The following MAF variants were observed in gnomAD, a reference collection of about 807,000 sequenced individuals.
MAF encodes the protein MAF bZIP transcription factor.
A neutral mutation model predicts 22.0 loss-of-function variants in MAF; 10 were observed. The ratio of observed to expected loss-of-function variants is 0.45; its 90% CI spans 0.28 to 0.77. The LOEUF is 0.77. Ranked by LOEUF, MAF falls within the 30% of genes least tolerant of loss-of-function variation. The pLI is 0.12. For missense variants in MAF, 544 were observed against 548.4 expected (o/e 0.99, Z 0.08); for synonymous variants, 337 against 255.8 (o/e 1.32, Z -3.03).
chr16:79,400,219 G>A, the MAF span, among the ~76,000 whole-genome samples: 1 of 152,184 alleles, frequency 6.6e-6, no homozygotes, highest in African/African-American at 2.4e-5. Context: ...CAAAATATCA[G>A]GAGTGCCACA....
At chr16:79,235,769 T>C in the MAF span, among the ~76,000 whole-genome samples, 2 of 152,026 alleles carry the variant, frequency 1.3e-5, no homozygotes, top group Admixed American at 6.6e-5. Flanking sequence ...TTAAAAATAA[T>C]GGTGAAAAAT....
intron 1 of MAF, chr16:79,598,353 T>C: frequency 9.0e-7 from 1 of 1,108,098 alleles, no homozygotes; most frequent in Non-Finnish European, 1.1e-6. Flanking sequence ...GAAGAAAAAA[T>C]ATGTGAATGA....
chr16:79,258,175 G>A, the MAF span, among the ~76,000 whole-genome samples: 3 of 152,268 alleles, frequency 2.0e-5, no homozygotes, highest in Non-Finnish European at 4.4e-5. Flanking sequence ...GGAGTGAGAC[G>A]CCTCTGGGGT....
At chr16:79,587,334 G>A (rs947050944) in intron 1 of MAF, among the ~76,000 whole-genome samples, 5 of 151,986 alleles carry the variant, frequency 3.3e-5, no homozygotes, top group African/African-American at 1.2e-4. Context: ...ACAGACTGAA[G>A]TGATAAAACC....
chr16:79,297,442 G>A, the MAF span, among the ~76,000 whole-genome samples: 2 of 152,142 alleles, frequency 1.3e-5, no homozygotes, highest in African/African-American at 2.4e-5. Flanking sequence ...CTTGGAGGGT[G>A]GCACCATTTT....
At chr16:79,587,893 T>G (rs1322710976) in intron 1 of MAF, among the ~76,000 whole-genome samples, 1 of 150,804 alleles carries the variant, frequency 6.6e-6, no homozygotes, top group Non-Finnish European at 1.5e-5. Flanking sequence ...AGATACTATT[T>G]GCACACCTGA....
the MAF span, among the ~76,000 whole-genome samples, chr16:79,451,382 C>T: frequency 6.6e-6 from 1 of 152,270 alleles, no homozygotes; most frequent in Non-Finnish European, 1.5e-5. Context: ...CAAAGGGACC[C>T]AAGACCACAA....
At chr16:79,503,944 T>A in the MAF span, among the ~76,000 whole-genome samples, 2 of 152,236 alleles carry the variant, frequency 1.3e-5, no homozygotes, top group Admixed American at 6.5e-5. Context: ...TAAATAAAAC[T>A]ATTAAATCCA....
the MAF span, among the ~76,000 whole-genome samples, chr16:79,473,664 G>A: frequency 2.0e-5 from 3 of 152,144 alleles, no homozygotes; most frequent in African/African-American, 7.2e-5. Flanking sequence ...GGGTGAGCAT[G>A]TCTTTATGAC....
chr16:79,263,957 T>G, the MAF span, among the ~76,000 whole-genome samples: 1 of 152,194 alleles, frequency 6.6e-6, no homozygotes. Context: ...ATGTTTGTTT[T>G]AGCCTAGAAG....
At chr16:79,438,328 G>T in the MAF span, among the ~76,000 whole-genome samples, 1 of 152,192 alleles carries the variant, frequency 6.6e-6, no homozygotes, top group Non-Finnish European at 1.5e-5. Flanking sequence ...TGGAGGTAGA[G>T]CAGTTAATAC....
the MAF span, among the ~76,000 whole-genome samples, chr16:79,507,166 T>C: frequency 1.3e-5 from 2 of 149,172 alleles, no homozygotes; most frequent in South Asian, 2.1e-4. Flanking sequence ...CAGGCTGGAG[T>C]GCAGGGGCGT....
chr16:79,413,210 G>GTTGTTTTTT, the MAF span, among the ~76,000 whole-genome samples: 26 of 63,642 alleles, frequency 4.1e-4, 1 homozygote, highest in Non-Finnish European at 5.4e-4. Flanking sequence ...GAGCTGTGCA[G>GTTGTTTTTT]TTTTTTTTTT....
At chr16:79,421,376 A>ATCCC in the MAF span, among the ~76,000 whole-genome samples, 1 of 152,054 alleles carries the variant, frequency 6.6e-6, no homozygotes, top group Non-Finnish European at 1.5e-5. Flanking sequence ...CTGCCCATTC[A>ATCCC]TCCCTCCCTC....
At chr16:79,448,041 C>T in the MAF span, among the ~76,000 whole-genome samples, 1,371 of 152,210 alleles carry the variant, frequency 9.0e-3, 18 homozygotes, top group Middle Eastern at 0.031. Context: ...ATGGAATCAA[C>T]TCCTGATGCT....
chr16:79,392,578 C>T, the MAF span, among the ~76,000 whole-genome samples: 9 of 151,984 alleles, frequency 5.9e-5, no homozygotes, highest in Non-Finnish European at 1.3e-4. Context: ...TAATAGGCCA[C>T]GGCTTTCCTA....
At chr16:79,524,075 C>G in the MAF span, among the ~76,000 whole-genome samples, 4 of 152,302 alleles carry the variant, frequency 2.6e-5, no homozygotes, top group South Asian at 2.1e-4. Context: ...TACTCAGGCC[C>G]TGGGGGATTT....
the MAF span, among the ~76,000 whole-genome samples, chr16:79,351,268 G>A: frequency 6.6e-6 from 1 of 152,178 alleles, no homozygotes; most frequent in Admixed American, 6.5e-5. Context: ...ATGCCCCAGA[G>A]AGGTGTGTTG....
chr16:79,593,426 T>C (rs1913302450), downstream of MAF, among the ~76,000 whole-genome samples: 2 of 152,142 alleles, frequency 1.3e-5, no homozygotes, highest in South Asian at 4.2e-4. Flanking sequence ...ACTGGCAGTG[T>C]GGCAAGGGGG....
Sources: allele counts gnomAD v4.1 joint callset (sites outside exome capture counted in the v4.1 genomes callset), GRCh38; gene constraint gnomAD v4.1.1; transcripts MANE v1.5; gene names NCBI Gene and HGNC (gene_info 2026-07-23, HGNC 2026-07-21).